SOX6: variants seen among roughly 807,000 people sequenced by gnomAD.
SOX6 encodes the protein SRY-box transcription factor 6, also known as transcription factor SOX-6.
Under a neutral mutation model 97.8 loss-of-function variants are expected in SOX6, and 11 were observed. The ratio of observed to expected loss-of-function variants is 0.11; its 90% confidence interval spans 0.07 to 0.19. SOX6 has a LOEUF of 0.19. Among genes scored for constraint, SOX6 ranks in the 10% least tolerant of loss-of-function variants. SOX6 has a pLI of 1.00. For synonymous variants in SOX6, 360 were observed against 371.4 expected, an observed-to-expected ratio of 0.97 and a Z score of 0.35; for missense variants, 810 against 1,039.5, an observed-to-expected ratio of 0.78 and a Z score of 3.04.
intron 3 of SOX6, among the ~76,000 whole-genome samples, chr11:16,686,888 G>C (rs888168735): frequency 7.2e-5 from 11 of 152,238 alleles, no homozygotes; most frequent in African/African-American, 2.2e-4. Flanking sequence ...GCTTGAACCC[G>C]GGAGGCAGAG....
At chr11:16,499,998 A>G (rs1489472722) in intron 4 of SOX6, among the ~76,000 whole-genome samples, 1 of 152,290 alleles carries the variant, frequency 6.6e-6, no homozygotes, top group Non-Finnish European at 1.5e-5. Context: ...CCTGGCAGAG[A>G]CACAACAAAA....
chr11:16,660,762 T>C (rs1847760110), intron 3 of SOX6, among the ~76,000 whole-genome samples: 1 of 152,166 alleles, frequency 6.6e-6, no homozygotes, highest in East Asian at 1.9e-4. Flanking sequence ...CGCCTTGCCC[T>C]TCCACCATGA....
intron 2 of SOX6, among the ~76,000 whole-genome samples, chr11:16,328,361 T>A (rs1241115348): frequency 6.6e-6 from 1 of 152,178 alleles, no homozygotes; most frequent in Admixed American, 6.6e-5. Flanking sequence ...GAGCTACAAT[T>A]TATGTAAAGA....
At chr11:16,128,473 C>T (rs1301094454) in intron 6 of SOX6, among the ~76,000 whole-genome samples, 1 of 152,026 alleles carries the variant, frequency 6.6e-6, no homozygotes, top group Non-Finnish European at 1.5e-5. Context: ...AGATAAATGG[C>T]TTATAATAAA....
chr11:16,355,579 C>T (rs1325832357), intron 1 of SOX6, among the ~76,000 whole-genome samples: 3 of 151,934 alleles, frequency 2.0e-5, no homozygotes, highest in Non-Finnish European at 4.4e-5. Context: ...TCAGCAATTA[C>T]CCAGTGGTCT....
chr11:16,721,935 G>A (rs528724793), intron 2 of SOX6, among the ~76,000 whole-genome samples: 1 of 152,024 alleles, frequency 6.6e-6, no homozygotes, highest in South Asian at 2.1e-4. Context: ...ACAAGCAATG[G>A]GGAAAAGACT....
intron 1 of SOX6, among the ~76,000 whole-genome samples, chr11:16,442,161 G>A (rs1859515031): frequency 6.6e-6 from 1 of 152,130 alleles, no homozygotes; most frequent in Non-Finnish European, 1.5e-5. Context: ...TTGTTTCTCT[G>A]ACAATTTTCA....
intron 12 of SOX6, among the ~76,000 whole-genome samples, chr11:16,044,732 C>A (rs76848791): frequency 6.6e-6 from 1 of 152,182 alleles, no homozygotes; most frequent in East Asian, 1.9e-4. Context: ...AGGAGAGAGA[C>A]CATGTTAAGG....
chr11:16,354,053 T>C (rs79982276), intron 1 of SOX6, among the ~76,000 whole-genome samples: 1,874 of 152,038 alleles, frequency 0.012, 40 homozygotes, highest in African/African-American at 0.042. Flanking sequence ...CCAGGATCTA[T>C]TGCCAGAAGG....
chr11:16,200,874 G>A (rs1851916599), intron 4 of SOX6, among the ~76,000 whole-genome samples: 1 of 152,280 alleles, frequency 6.6e-6, no homozygotes, highest in South Asian at 2.1e-4. Context: ...GGGAGGCTGA[G>A]GCAGGTGGAT....
chr11:16,365,069 C>G (rs547453172), intron 1 of SOX6, among the ~76,000 whole-genome samples: 1 of 152,190 alleles, frequency 6.6e-6, no homozygotes, highest in South Asian at 2.1e-4. Context: ...ACTTAAGAGA[C>G]ACGTTCACAT....
chr11:16,738,399 C>G, intron 1 of SOX6: 1 of 277,200 alleles, frequency 3.6e-6, no homozygotes, highest in South Asian at 5.3e-5. Context: ...CCTCCTGTGG[C>G]GACAAAGCTC....
At chr11:16,449,451 C>A (rs1859678724) in intron 1 of SOX6, among the ~76,000 whole-genome samples, 1 of 151,910 alleles carries the variant, frequency 6.6e-6, no homozygotes, top group African/African-American at 2.4e-5. Flanking sequence ...CGCTACCATG[C>A]CCGGCTAATT....
chr11:16,540,477 C>T (rs1021042913), intron 4 of SOX6, among the ~76,000 whole-genome samples: 6 of 151,998 alleles, frequency 3.9e-5, no homozygotes, highest in Admixed American at 6.6e-5. Context: ...CCAGGGCAAT[C>T]AGGCAGGAGA....
chr11:16,308,483 T>A (rs1855502582), intron 3 of SOX6, among the ~76,000 whole-genome samples: 1 of 152,184 alleles, frequency 6.6e-6, no homozygotes, highest in Non-Finnish European at 1.5e-5. Context: ...AGGATAAGAA[T>A]GCACATCAAT....
intron 1 of SOX6, among the ~76,000 whole-genome samples, chr11:16,364,128 C>A (rs544101180): frequency 6.6e-6 from 1 of 152,220 alleles, no homozygotes; most frequent in East Asian, 1.9e-4. Flanking sequence ...CCTGACTTTT[C>A]CTCCTCCCTG....
At chr11:16,265,373 G>A (rs915706945) in intron 3 of SOX6, among the ~76,000 whole-genome samples, 2 of 151,702 alleles carry the variant, frequency 1.3e-5, no homozygotes, top group Non-Finnish European at 2.9e-5. Flanking sequence ...CCTCAGTTGT[G>A]GGGTAAAACT....
chr11:16,344,763 T>C (rs990406247), intron 1 of SOX6, among the ~76,000 whole-genome samples: 3 of 152,004 alleles, frequency 2.0e-5, no homozygotes, highest in African/African-American at 7.2e-5. Flanking sequence ...GACTTTACTT[T>C]GTTTTATTTT....
chr11:15,983,541 GT>G (rs1447501183), intron 15 of SOX6, among the ~76,000 whole-genome samples: 1 of 152,002 alleles, frequency 6.6e-6, no homozygotes, highest in Non-Finnish European at 1.5e-5. Context: ...ATTTTTGTTT[GT>G]TTTTTGCTCA....
Sources: allele counts gnomAD v4.1 joint callset (sites outside exome capture counted in the v4.1 genomes callset), GRCh38; gene constraint gnomAD v4.1.1; transcripts MANE v1.5; gene names NCBI Gene and HGNC (gene_info 2026-07-23, HGNC 2026-07-21).